Variants in SLC25A35 observed in about 807,000 individuals in gnomAD.
SLC25A35 encodes solute carrier family 25, member 35.
A neutral mutation model predicts 30.5 loss-of-function variants in SLC25A35; 32 were observed. The observed-to-expected ratio is 1.05, with a 90% confidence interval of 0.79 to 1.41. The LOEUF (loss-of-function observed/expected upper bound fraction) is 1.41. Ranked by LOEUF, SLC25A35 falls within the 40% of genes most tolerant of loss-of-function variation. The probability of loss-of-function intolerance (pLI) is 0.00; values close to 1 mark genes in which losing one functional copy is unlikely to be tolerated. For synonymous variants in SLC25A35, 142 were observed against 158.1 expected, an observed-to-expected ratio of 0.90 and a Z score of 0.77; for missense variants, 369 against 388.0, an observed-to-expected ratio of 0.95 and a Z score of 0.41.
chr17:8,289,845 A>G, downstream of SLC25A35: 3 of 1,614,008 alleles, frequency 1.9e-6, no homozygotes, highest in Non-Finnish European at 2.5e-6. Flanking sequence ...GGCCCCGAAA[A>G]TCTGTCACCT....
In SLC25A35 at chr17:8,290,139, G is replaced by A; in HGVS notation, c.*366C>T. On this transcript the variant is annotated 3_prime_UTR_variant, in exon 5 of 5. Coordinates refer to ENST00000577745, the MANE Select transcript of SLC25A35 (RefSeq NM_001320870.2). ...CAGGACACCTGGGTCCCAGACGCCT[G>A]GGAATTGGGTCTCTCGATTCCCTTT... 6.9e-7 allele frequency: 1 copy of A among 1,452,972 alleles called. No individual in the cohort carries two copies. Among genetic ancestry groups the A allele is most frequent in the South Asian group, 1.5e-5 (1 of 67,830 alleles). The allele number at this position is 1,452,972 out of a possible 1,614,324, so 90.0% of individuals were successfully genotyped here.
At chr17:8,294,310 C>G in intron 1 of SLC25A35, 123 bp downstream of exon 1, 1 of 1,056,444 alleles carries the variant, frequency 9.5e-7, no homozygotes, top group South Asian at 1.6e-5. Context: ...CCAGCACTTT[C>G]CTGATGCCTT....
downstream of SLC25A35, chr17:8,289,276 T>C: frequency 1.2e-6 from 2 of 1,613,790 alleles, no homozygotes; most frequent in Non-Finnish European, 1.7e-6. Context: ...TTGAGGATGT[T>C]GGTGGCGTGC....
intron 1 of SLC25A35, 95 bp from the exon 2 acceptor site, chr17:8,292,683 T>G (rs1990595981): frequency 3.9e-6 from 4 of 1,032,972 alleles, no homozygotes; most frequent in Non-Finnish European, 6.1e-6. Flanking sequence ...TCTAGGGTGT[T>G]CAGCAATGAA....
chr17:8,291,655 C>T (rs1042438781), intron 2 of SLC25A35, among the ~76,000 whole-genome samples, 170 bp from the exon 3 acceptor site: 1 of 152,202 alleles, frequency 6.6e-6, no homozygotes, highest in African/African-American at 2.4e-5. Flanking sequence ...CCCCATTGTT[C>T]CTTCCCTGGG....
rs1035498120 is a variant in SLC25A35 at position 8,295,394 on chromosome 17, T to G, written c.-587A>C. On this transcript the variant is annotated 5_prime_UTR_variant, in exon 1 of 5. Transcript: ENST00000577745. Reference sequence around the variant, plus strand: ...TGCGGAGGCCGGGCCGCCACACTCCTGCCACTGGAGCGCGGGGCCAATGGG... The same window carrying G: ...TGCGGAGGCCGGGCCGCCACACTCCGGCCACTGGAGCGCGGGGCCAATGGG... 219 of 982,934 alleles carry G rather than the reference T, an allele frequency of 2.2e-4. No homozygotes were observed. The highest frequency in any genetic ancestry group is 2.6e-4 in the Non-Finnish European group (212 of 827,680). 60.9% of individuals were successfully genotyped at this position (982,934 alleles called of 1,614,324 possible).
chr17:8,288,882 G>T, downstream of SLC25A35: 1 of 1,614,158 alleles, frequency 6.2e-7, no homozygotes. Context: ...AGGCCGGGGC[G>T]CCCAGGGGCG....
At chr17:8,288,740 G>A, downstream of SLC25A35, 1 of 1,602,846 alleles carries the variant, frequency 6.2e-7, no homozygotes, top group Non-Finnish European at 8.5e-7. Flanking sequence ...GTGACCCAAT[G>A]TGGACTTCTT....
rs199925223 is a variant in SLC25A35 at position 8,290,623 on chromosome 17, C to T, written c.785G>A (p.Gly262Asp). 1.6e-3 allele frequency: 2,440 copies of T among 1,538,774 alleles called. 7 individuals carry two copies. The highest frequency in any genetic ancestry group is 2.5e-3 in the Middle Eastern group (15 of 5,990). Residue 262 changes from glycine (G) to aspartate (D), a missense_variant, in exon 5 of 5, where the codon GGC becomes GAC. By Grantham distance (94) the Gly-to-Asp change is moderately conservative (BLOSUM62 -1). Coordinates refer to ENST00000577745, the MANE Select transcript of SLC25A35 (RefSeq NM_001320870.2). ...TATACCCTTGTACATGCCAAAAATG[C>T]CCTCGGTCCGAGCTGTCTGCAGCAG... ...DALLQTARTE[G>D]IFGMYKGIGA...
rs758378576 is a variant in SLC25A35 at position 8,294,461 on chromosome 17, C to CCCATGACCCCAG, written c.335_346dup (p.Ala112_Met115dup). 1 of 1,600,672 alleles carries CCCATGACCCCAG rather than the reference C, an allele frequency of 6.2e-7. No individual in the cohort carries two copies. Among genetic ancestry groups the CCCATGACCCCAG allele is most frequent in the South Asian group, 1.1e-5 (1 of 89,998 alleles). The stretch of plus-strand genomic sequence containing the variant: ...GTAGATGGGGCTCCCCAAGTAGGCT[C>CCCATGACCCCAG]CCATGACCCCAGCCATGGCCCCAGC... On this transcript the variant is annotated inframe_insertion, in exon 1 of 5. Coordinates refer to ENST00000577745, the MANE Select transcript of SLC25A35 (RefSeq NM_001320870.2).
intron 1 of SLC25A35, among the ~76,000 whole-genome samples, chr17:8,293,433 T>C (rs928894966): frequency 6.6e-6 from 1 of 152,230 alleles, no homozygotes; most frequent in African/African-American, 2.4e-5. Flanking sequence ...AATGCTTTCA[T>C]GTCTACCGCA....
chr17:8,290,577 G>A lies in SLC25A35; in HGVS notation c.831C>T (p.Leu277=), dbSNP rs942778497. The change falls in exon 5 of 5, where the codon CTC becomes CTT. Residue 277 remains leucine, a synonymous_variant. Transcript: ENST00000577745. The part of the protein sequence containing the change: ...YKGIGASYFR[L]GPHTILSLFF... ...AGAGGGAGAGGATGGTGTGGGGGCC[G>A]AGGCGGAAGTAGGAGGCACCTATAC... 195 of 1,536,022 alleles carry A rather than the reference G, an allele frequency of 1.3e-4. No homozygotes were observed. Among genetic ancestry groups the A allele is most frequent in the Non-Finnish European group, 1.6e-4 (189 of 1,146,884 alleles).
intron 1 of SLC25A35, among the ~76,000 whole-genome samples, chr17:8,293,931 T>TTTTTTTTTTTTTTTG (rs1491485762): frequency 6.3e-5 from 8 of 126,830 alleles, no homozygotes; most frequent in African/African-American, 2.4e-4. Context: ...TTTTTTTTTT[T>TTTTTTTTTTTTTTTG]GTGAGACGTA....
At chr17:8,289,923 T>C (rs774876935), downstream of SLC25A35, 2 of 1,614,018 alleles carry the variant, frequency 1.2e-6, no homozygotes, top group Admixed American at 1.7e-5. Flanking sequence ...CCTAACATCT[T>C]TGGTCCCCAG....
In SLC25A35 at chr17:8,295,303, A is replaced by T. The variant is rs925922374; in HGVS notation, c.-496T>A. 1 of 986,336 alleles carries T rather than the reference A, an allele frequency of 1.0e-6. No individual in the cohort carries two copies. The highest frequency in any genetic ancestry group is 1.7e-5 in the African/African-American group (1 of 57,224). The allele number at this position is 986,336 out of a possible 1,614,324, so 61.1% of individuals were successfully genotyped here. A position where few individuals can be genotyped will look rare whatever the true frequency, so the allele number is the denominator to read the frequency against. ...GAAAGAAGTCAGGACTCTGGCCAGG[A>T]ATGAGCGTCCCTGAGCGTCCCCAGG... is the stretch of plus-strand genomic sequence containing the variant. On this transcript the variant is annotated 5_prime_UTR_variant, in exon 1 of 5. Coordinates refer to ENST00000577745, the MANE Select transcript of SLC25A35 (RefSeq NM_001320870.2).
intron 1 of SLC25A35, 91 bp from the exon 2 acceptor site, chr17:8,292,679 G>A (rs1990595809): frequency 2.7e-6 from 3 of 1,105,622 alleles, no homozygotes; most frequent in Non-Finnish European, 4.2e-6. Context: ...TTCCTCTAGG[G>A]TGTTCAGCAA....
At chr17:8,288,654 A>G, downstream of SLC25A35, 1 of 1,059,520 alleles carries the variant, frequency 9.4e-7, no homozygotes, top group Admixed American at 1.8e-5. Context: ...GGGCGGAGCC[A>G]AATCTTAAAG....
At position 8,295,151 on chromosome 17, in the gene SLC25A35, G is replaced by A; in HGVS notation, c.-344C>T. 9.5e-7 allele frequency: 1 copy of A among 1,047,486 alleles called. No individual in the cohort carries two copies. The highest frequency in any genetic ancestry group is 1.1e-6 in the Non-Finnish European group (1 of 870,414). The allele number at this position is 1,047,486 out of a possible 1,614,324, so 64.9% of individuals were successfully genotyped here. On this transcript the variant is annotated 5_prime_UTR_variant, in exon 1 of 5. Coordinates refer to ENST00000577745, the MANE Select transcript of SLC25A35 (RefSeq NM_001320870.2). ...GCGACGGGAGCACGGGAGTAGAGGA[G>A]GGAATCGCGGGGTTGGGAGATGGAA...
Position 8,290,421 on chromosome 17 carries a change from C to G in SLC25A35, c.*84G>C, listed in dbSNP as rs147239105. ...TCCCCCATGGATGGATGAAAGGTCA[C>G]CTAATCAGTAGTCACCAGGACATAG... On this transcript the variant is annotated 3_prime_UTR_variant, in exon 5 of 5. Transcript: ENST00000577745. 3.1e-4 allele frequency: 463 copies of G among 1,491,360 alleles called. No homozygotes were observed. In the African/African-American group the frequency reaches 5.8e-3, roughly 19 times the overall value. The allele number at this position is 1,491,360 out of a possible 1,614,324, so 92.4% of individuals were successfully genotyped here.
Sources: gnomAD v4.1 joint callset for allele counts (sites outside exome capture counted in the v4.1 genomes callset) on GRCh38, gnomAD v4.1.1 for gene constraint, MANE v1.5 for transcripts, NCBI Gene and HGNC (gene_info 2026-07-23, HGNC 2026-07-21) for gene names.